The following TMBIM4 variants were observed in gnomAD, a reference collection of about 807,000 sequenced individuals.
TMBIM4 encodes transmembrane BAX inhibitor motif containing 4, also known as protein lifeguard 4.
In TMBIM4, 28 loss-of-function variants were observed where a neutral mutation model predicts 27.7. The ratio of observed to expected loss-of-function variants is 1.01; its 90% CI spans 0.75 to 1.38. The LOEUF is 1.38. Among genes scored for constraint, TMBIM4 ranks in the 40% most tolerant of loss-of-function variants. The pLI is 0.00. For missense variants in TMBIM4, 265 were observed against 277.5 expected, an observed-to-expected ratio of 0.95 and a Z score of 0.32; for synonymous variants, 115 against 113.1, an observed-to-expected ratio of 1.02 and a Z score of -0.11.
intron 3 of TMBIM4, 143 bp from the exon 4 acceptor site, chr12:66,148,084 T>C (rs2051781531): frequency 3.3e-6 from 2 of 597,326 alleles, no homozygotes; most frequent in East Asian, 3.0e-5. Flanking sequence ...ATGGGGCAGT[T>C]AGTAAACCCA....
At chr12:66,148,020 T>C in intron 3 of TMBIM4, 79 bp from the exon 4 acceptor site, 2 of 1,322,698 alleles carry the variant, frequency 1.5e-6, no homozygotes, top group South Asian at 1.3e-5. Context: ...AGCAGCTTAA[T>C]GTGATCCCAT....
At chr12:66,161,255 T>G (rs1465761833) in intron 1 of TMBIM4, 2 of 152,646 alleles carry the variant, frequency 1.3e-5, no homozygotes, top group East Asian at 1.9e-4. Flanking sequence ...CTTTGTTTTG[T>G]TTTGAGACAG....
intron 1 of TMBIM4, among the ~76,000 whole-genome samples, chr12:66,153,661 C>T (rs1487321709): frequency 6.6e-6 from 1 of 151,868 alleles, no homozygotes; most frequent in Admixed American, 6.6e-5. Flanking sequence ...CTCCAAAAAG[C>T]ATGAGCCTAA....
At chr12:66,138,197 A>G in intron 6 of TMBIM4, 31 bp from the exon 7 acceptor site, 1 of 1,593,064 alleles carries the variant, frequency 6.3e-7, no homozygotes, top group African/African-American at 1.4e-5. Context: ...AAATATGTTT[A>G]TATTTGAGAA....
intron 1 of TMBIM4, among the ~76,000 whole-genome samples, chr12:66,159,666 G>A (rs2052002413): frequency 6.6e-6 from 1 of 152,154 alleles, no homozygotes; most frequent in Non-Finnish European, 1.5e-5. Context: ...CAATCCACCC[G>A]CCATCTCCCT....
chr12:66,144,606 A>C (rs2051721317), intron 5 of TMBIM4: 1 of 152,168 alleles, frequency 6.6e-6, no homozygotes, highest in African/African-American at 2.4e-5. Flanking sequence ...TTTAGTTTCA[A>C]GTGGACCCAA....
chr12:66,156,379 C>T lies in TMBIM4; in HGVS notation c.98-2931G>A, dbSNP rs1192668533. 2.6e-5 allele frequency among the ~76,000 whole-genome samples: 4 copies of T among 152,308 alleles called. No individual in the cohort carries two copies. In the South Asian group the frequency reaches 6.2e-4, roughly 24 times the overall value. ...TAGAAGTCATCTTTGATTACCCCCT[C>T]CCTGTTCCCAATCTATCAGCAACTA... is the stretch of plus-strand genomic sequence containing the variant. On this transcript the variant is annotated intron_variant, in intron 1 of 6. Coordinates refer to ENST00000358230, the MANE Select transcript of TMBIM4 (RefSeq NM_016056.4).
intron 1 of TMBIM4, among the ~76,000 whole-genome samples, chr12:66,168,171 T>C (rs1301157034): frequency 6.7e-6 from 1 of 150,092 alleles, no homozygotes; most frequent in African/African-American, 2.5e-5. Context: ...CAGTGAGCAG[T>C]GATCTCACCA....
At chr12:66,164,779 T>A (rs552029803) in intron 1 of TMBIM4, among the ~76,000 whole-genome samples, 7 of 152,172 alleles carry the variant, frequency 4.6e-5, no homozygotes, top group Non-Finnish European at 8.8e-5. Flanking sequence ...GGCATCCATA[T>A]TGGAAAGAAA....
chr12:66,159,112 T>C (rs1185858971), intron 1 of TMBIM4, among the ~76,000 whole-genome samples: 1 of 152,198 alleles, frequency 6.6e-6, no homozygotes, highest in Non-Finnish European at 1.5e-5. Context: ...TACAGATTAT[T>C]TGGCACTAGC....
intron 1 of TMBIM4, among the ~76,000 whole-genome samples, chr12:66,158,425 G>A (rs2051980506): frequency 6.6e-6 from 1 of 151,934 alleles, no homozygotes; most frequent in Non-Finnish European, 1.5e-5. Flanking sequence ...CAGATCACGA[G>A]GTCAGGAGAT....
intron 5 of TMBIM4, among the ~76,000 whole-genome samples, chr12:66,139,447 T>C (rs1164179559): frequency 6.6e-6 from 1 of 152,192 alleles, no homozygotes; most frequent in Non-Finnish European, 1.5e-5. Flanking sequence ...CAACAGTTCT[T>C]GGACACTGGA....
intron 1 of TMBIM4, chr12:66,160,027 C>A (rs1421245091): frequency 3.6e-6 from 2 of 562,124 alleles, no homozygotes; most frequent in Non-Finnish European, 6.4e-6. Context: ...CAGCCCACTA[C>A]CTGGTTTTGT....
At chr12:66,155,096 A>G (rs2051909611) in intron 1 of TMBIM4, among the ~76,000 whole-genome samples, 1 of 152,238 alleles carries the variant, frequency 6.6e-6, no homozygotes, top group Admixed American at 6.5e-5. Flanking sequence ...ATAAAAGCAG[A>G]GTAAAGAATA....
Position 66,138,766 on chromosome 12 carries a change from C to G in TMBIM4, c.468G>C (p.Leu156=). 6.5e-7 allele frequency: 1 copy of G among 1,544,298 alleles called. No individual in the cohort carries two copies. Among genetic ancestry groups the G allele is most frequent in the Non-Finnish European group, 8.7e-7 (1 of 1,154,236 alleles). ...KKDFSKFGAG[L]FALLWILCLS... is the part of the protein sequence containing the mutation. Reference sequence around the variant, plus strand: ...GGCACAATATCCACAAAAGAGCAAACAGCCTATAAAAATACAATTTTAGTA... The same window carrying G: ...GGCACAATATCCACAAAAGAGCAAAGAGCCTATAAAAATACAATTTTAGTA... The change falls in exon 6 of 7, where the codon CTG becomes CTC. Residue 156 remains leucine (L), a synonymous_variant. Transcript: ENST00000358230.
chr12:66,157,661 A>C (rs2051959682), intron 1 of TMBIM4, among the ~76,000 whole-genome samples: 1 of 152,176 alleles, frequency 6.6e-6, no homozygotes, highest in South Asian at 2.1e-4. Flanking sequence ...GCCTTGAAGA[A>C]ACTGTTTGTA....
intron 3 of TMBIM4, among the ~76,000 whole-genome samples, chr12:66,150,532 G>A (rs1357241433): frequency 6.6e-6 from 1 of 151,858 alleles, no homozygotes; most frequent in African/African-American, 2.4e-5. Context: ...TCCTGCCTCA[G>A]CCTCCCAAGT....
At chr12:66,163,434 G>A (rs987668295) in intron 1 of TMBIM4, among the ~76,000 whole-genome samples, 2 of 152,106 alleles carry the variant, frequency 1.3e-5, no homozygotes, top group African/African-American at 4.8e-5. Flanking sequence ...CATTTCTACA[G>A]CGGGGGAAGG....
chr12:66,142,723 T>G (rs972568438), intron 5 of TMBIM4, among the ~76,000 whole-genome samples: 1 of 151,488 alleles, frequency 6.6e-6, no homozygotes, highest in Non-Finnish European at 1.5e-5. Flanking sequence ...AAAGATTGTC[T>G]GGAACAAAGA....
Sources: gnomAD v4.1 joint callset for allele counts (sites outside exome capture counted in the v4.1 genomes callset) on GRCh38, gnomAD v4.1.1 for gene constraint, MANE v1.5 for transcripts, NCBI Gene and HGNC (gene_info 2026-07-23, HGNC 2026-07-21) for gene names.